CFTR: variants seen among roughly 807,000 people sequenced by gnomAD.
CFTR encodes CF transmembrane conductance regulator, also known as cystic fibrosis transmembrane conductance regulator.
Under a neutral mutation model 171.6 loss-of-function variants are expected in CFTR, and 181 were observed. That is an observed-to-expected ratio of 1.05 (90% CI 0.93 to 1.19). CFTR has a LOEUF of 1.19. Ranked by LOEUF, CFTR falls within the 50% of genes most tolerant of loss-of-function variation. The probability of loss-of-function intolerance (pLI) is 0.00; values close to 1 mark genes in which losing one functional copy is unlikely to be tolerated. For missense variants in CFTR, 1,968 were observed against 1,734.7 expected, an observed-to-expected ratio of 1.13 and a Z score of -2.39; for synonymous variants, 583 against 608.0, an observed-to-expected ratio of 0.96 and a Z score of 0.60.
At chr7:117,566,366 C>T (rs747320153) in intron 11 of CFTR, among the ~76,000 whole-genome samples, 103 of 151,848 alleles carry the variant, frequency 6.8e-4, no homozygotes, top group Admixed American at 2.5e-3. Context: ...ACCCAGAAGG[C>T]GGAGGTTGCT....
chr7:117,551,300 A>G (rs540713961), intron 10 of CFTR, among the ~76,000 whole-genome samples: 2 of 152,368 alleles, frequency 1.3e-5, no homozygotes, highest in African/African-American at 4.8e-5. Flanking sequence ...TCTTAAGTGA[A>G]TAAAGAGTTA....
chr7:117,556,479 A>C (rs1235211158), intron 10 of CFTR, among the ~76,000 whole-genome samples: 1 of 122,354 alleles, frequency 8.2e-6, no homozygotes. Context: ...GCGGTCCCTT[A>C]TGAGTTTTCT....
intron 9 of CFTR, among the ~76,000 whole-genome samples, chr7:117,546,183 G>A (rs1238986232): frequency 2.0e-5 from 3 of 151,834 alleles, no homozygotes; most frequent in Admixed American, 6.6e-5. Flanking sequence ...TAGTAGAGAC[G>A]GGGTTTCACC....
Position 117,534,337 on chromosome 7 carries a change from T to C in CFTR, c.551T>C (p.Leu184Pro). The change falls in exon 5 of 27, where the codon CTT (leucine) becomes CCT (proline). Residue 184 changes from leucine to proline, a missense_variant. Physicochemically the swap from Leu to Pro is moderately conservative, Grantham distance 98. Transcript: ENST00000003084. The stretch of plus-strand genomic sequence containing the variant: ...AGTATTGGACAACTTGTTAGTCTCC[T>C]TTCCAACAACCTGAACAAATTTGAT... ...KISIGQLVSLLSNNLNKFDEG... is the reference protein window; with the variant it reads ...KISIGQLVSLPSNNLNKFDEG... 6.3e-7 allele frequency: 1 copy of C among 1,599,062 alleles called. No individual in the cohort carries two copies. Among genetic ancestry groups the C allele is most frequent in the Non-Finnish European group, 8.6e-7 (1 of 1,166,730 alleles).
chr7:117,568,990 A>G (rs533673757), intron 11 of CFTR, among the ~76,000 whole-genome samples: 1 of 152,280 alleles, frequency 6.6e-6, no homozygotes, highest in South Asian at 2.1e-4. Flanking sequence ...GGGTGAAAAC[A>G]ATGTGTTCCC....
intron 15 of CFTR, among the ~76,000 whole-genome samples, chr7:117,600,114 C>T (rs946343620): frequency 6.6e-6 from 1 of 151,734 alleles, no homozygotes; most frequent in Non-Finnish European, 1.5e-5. Context: ...TAAAAAATTT[C>T]TTCAAAGCTA....
intron 11 of CFTR, 37 bp from the exon 12 acceptor site, chr7:117,587,702 T>G (rs199672916): frequency 8.3e-7 from 1 of 1,208,190 alleles, no homozygotes; most frequent in Non-Finnish European, 1.2e-6. Flanking sequence ...TTGAGCATAC[T>G]AAAAGTGACT....
At chr7:117,629,377 T>C (rs1422458805) in intron 22 of CFTR, among the ~76,000 whole-genome samples, 1 of 152,168 alleles carries the variant, frequency 6.6e-6, no homozygotes, top group Non-Finnish European at 1.5e-5. Context: ...ATTTCACAAA[T>C]TGGAGTAAGT....
chr7:117,639,328 T>G (rs1792877622), intron 22 of CFTR, among the ~76,000 whole-genome samples: 1 of 152,198 alleles, frequency 6.6e-6, no homozygotes, highest in African/African-American at 2.4e-5. Context: ...TCAAATAGTT[T>G]TTTCTTAAAA....
intron 2 of CFTR, among the ~76,000 whole-genome samples, chr7:117,507,943 C>A (rs1268278119): frequency 6.6e-6 from 1 of 152,162 alleles, no homozygotes; most frequent in African/African-American, 2.4e-5. Flanking sequence ...CACCACCAGG[C>A]CTGGCTAATT....
At chr7:117,597,989 G>A (rs888322967) in intron 15 of CFTR, among the ~76,000 whole-genome samples, 4 of 152,156 alleles carry the variant, frequency 2.6e-5, no homozygotes, top group Non-Finnish European at 4.4e-5. Flanking sequence ...TGATGTGGCT[G>A]GGAGGCTGAA....
chr7:117,492,138 G>A lies in CFTR; in HGVS notation c.53+11991G>A, dbSNP rs147621301. ...CATGTCCACTAAAAATAGGATGAAG[G>A]CCAAACTTAGGAAGAATATTTTGAT... On this transcript the variant is annotated intron_variant, in intron 1 of 26. Coordinates refer to ENST00000003084, the MANE Select transcript of CFTR (RefSeq NM_000492.4). Among the ~76,000 whole-genome samples, 110 of 152,010 alleles carry A rather than the reference G, an allele frequency of 7.2e-4. No homozygotes were observed. In the Middle Eastern group the frequency reaches 0.027, roughly 38 times the overall value.
intron 3 of CFTR, among the ~76,000 whole-genome samples, chr7:117,509,660 T>C (rs1032618612): frequency 1.2e-4 from 18 of 152,194 alleles, no homozygotes; most frequent in African/African-American, 4.3e-4. Context: ...TCTCTTGCAA[T>C]ATATTTTCTT....
At chr7:117,534,457 T>C in intron 5 of CFTR, 92 bp downstream of exon 5, 1 of 748,134 alleles carries the variant, frequency 1.3e-6, no homozygotes, top group Non-Finnish European at 2.4e-6. Context: ...TAATAGTAAT[T>C]AGTGGTTAAG....
intron 23 of CFTR, among the ~76,000 whole-genome samples, chr7:117,645,566 T>G (rs1218249596): frequency 6.6e-6 from 1 of 152,202 alleles, no homozygotes; most frequent in Non-Finnish European, 1.5e-5. Flanking sequence ...ATCCTTCCTT[T>G]TTTTCTACTT....
chr7:117,494,879 G>A (rs1048161115), intron 1 of CFTR, among the ~76,000 whole-genome samples: 8 of 152,010 alleles, frequency 5.3e-5, no homozygotes, highest in African/African-American at 1.9e-4. Context: ...TCTCAGCTAC[G>A]AATGGACATA....
chr7:117,599,603 T>C (rs981287484), intron 15 of CFTR, among the ~76,000 whole-genome samples: 2 of 152,156 alleles, frequency 1.3e-5, no homozygotes, highest in Non-Finnish European at 2.9e-5. Flanking sequence ...ATGTAATATA[T>C]GATGAATAGT....
chr7:117,555,863 G>C (rs1190451644), intron 10 of CFTR, among the ~76,000 whole-genome samples: 1 of 152,116 alleles, frequency 6.6e-6, no homozygotes, highest in East Asian at 1.9e-4. Context: ...TATCTGTAAG[G>C]TTTCCACTCA....
chr7:117,577,778 C>T (rs2115991417), intron 11 of CFTR, among the ~76,000 whole-genome samples: 2 of 152,142 alleles, frequency 1.3e-5, no homozygotes, highest in South Asian at 2.1e-4. Flanking sequence ...TAATACATAA[C>T]CATTGTTATT....
Sources: allele counts gnomAD v4.1 joint callset (sites outside exome capture counted in the v4.1 genomes callset), GRCh38; gene constraint gnomAD v4.1.1; transcripts MANE v1.5; gene names NCBI Gene and HGNC (gene_info 2026-07-23, HGNC 2026-07-21).